Variants in PLA1A observed in about 807,000 individuals in gnomAD.
PLA1A encodes the protein phosphatidylserine-specific phospholipase A1alpha.
In PLA1A, 47 loss-of-function variants were observed where a neutral mutation model predicts 49.4. The ratio of observed to expected loss-of-function variants is 0.95; its 90% CI spans 0.75 to 1.21. The LOEUF (loss-of-function observed/expected upper bound fraction) is 1.21, where lower values mean the gene tolerates loss of function less well. Among genes scored for constraint, PLA1A ranks in the 50% most tolerant of loss-of-function variants. The pLI, the probability that PLA1A is intolerant of heterozygous loss-of-function variation, is 0.00. For synonymous variants in PLA1A, 224 were observed against 207.9 expected, an observed-to-expected ratio of 1.08 and a Z score of -0.67; for missense variants, 561 against 563.9, an observed-to-expected ratio of 0.99 and a Z score of 0.05.
intron 2 of PLA1A, 108 bp downstream of exon 2, chr3:119,607,083 C>A: frequency 1.2e-6 from 1 of 844,432 alleles, no homozygotes; most frequent in Non-Finnish European, 2.0e-6. Flanking sequence ...TACCAATGGC[C>A]ACATGTTCCA....
At chr3:119,622,164 A>AGGAGGAGGAG (rs2082947635) in intron 8 of PLA1A, among the ~76,000 whole-genome samples, 135 of 92,606 alleles carry the variant, frequency 1.5e-3, no homozygotes, top group African/African-American at 6.5e-3. Context: ...AAGAAGAAGA[A>AGGAGGAGGAG]GAAGAAGAAG....
At chr3:119,614,378 T>C (rs1429397801) in intron 5 of PLA1A, among the ~76,000 whole-genome samples, 1 of 151,752 alleles carries the variant, frequency 6.6e-6, no homozygotes, top group East Asian at 1.9e-4. Flanking sequence ...CCAAGGCGGG[T>C]GGATCACAAG....
chr3:119,612,848 C>G (rs1269508351), intron 4 of PLA1A, among the ~76,000 whole-genome samples, 169 bp from the exon 5 acceptor site: 1 of 152,156 alleles, frequency 6.6e-6, no homozygotes, highest in East Asian at 1.9e-4. Flanking sequence ...AGAGAGACAA[C>G]AGAGAGTGGG....
chr3:119,610,235 C>G (rs1210902130), intron 4 of PLA1A, among the ~76,000 whole-genome samples: 3 of 152,102 alleles, frequency 2.0e-5, no homozygotes, highest in African/African-American at 7.2e-5. Flanking sequence ...TTGGTTGGCA[C>G]CTGGGTTGAT....
intron 1 of PLA1A, among the ~76,000 whole-genome samples, chr3:119,599,626 A>G (rs2082588662): frequency 6.6e-6 from 1 of 152,196 alleles, no homozygotes; most frequent in Non-Finnish European, 1.5e-5. Context: ...ACCAGATAGC[A>G]GGGTTAGGGT....
rs1283474349 is a variant in PLA1A at position 119,618,133 on chromosome 3, C to A, written c.869C>A (p.Ala290Asp). The change falls in exon 7 of 11, where the codon GCT (alanine) becomes GAT (aspartate). Residue 290 changes from alanine to aspartate, a missense_variant. By Grantham distance (126) the Ala-to-Asp change is moderately radical (BLOSUM62 -2). Transcript: ENST00000273371. The part of the protein sequence containing the change: ...FPCASYKAFL[A>D]GRCLDCFNPF... ...TGTGCCAGCTACAAGGCCTTCCTTG[C>A]TGGACGCTGTCTGGATTGCTTTAAC... 3.4e-5 allele frequency: 55 copies of A among 1,614,058 alleles called. No homozygotes were observed. The highest frequency in any genetic ancestry group is 4.6e-5 in the Non-Finnish European group (54 of 1,179,988).
intron 1 of PLA1A, among the ~76,000 whole-genome samples, chr3:119,602,859 G>C (rs1251598771): frequency 6.6e-6 from 1 of 152,086 alleles, no homozygotes; most frequent in Admixed American, 6.6e-5. Context: ...TGTGAGAGTA[G>C]ACAAGAGAGC....
chr3:119,616,184 T>G, intron 6 of PLA1A, 83 bp downstream of exon 6: 1 of 834,360 alleles, frequency 1.2e-6, no homozygotes, highest in Non-Finnish European at 2.1e-6. Flanking sequence ...TCAGCCAGAG[T>G]GGGCCATAGA....
chr3:119,608,068 T>C (rs913895174), intron 2 of PLA1A, among the ~76,000 whole-genome samples: 4 of 152,172 alleles, frequency 2.6e-5, no homozygotes, highest in African/African-American at 9.7e-5. Flanking sequence ...TATTTGTCTT[T>C]ATTTTTTGGA....
chr3:119,619,983 C>T (rs1314774056), intron 8 of PLA1A: 1 of 452,970 alleles, frequency 2.2e-6, no homozygotes, highest in Non-Finnish European at 4.4e-6. Flanking sequence ...CTTCTTGGCG[C>T]CCACCCTATG....
At chr3:119,598,953 C>A (rs997165781) in intron 1 of PLA1A, among the ~76,000 whole-genome samples, 6 of 152,164 alleles carry the variant, frequency 3.9e-5, no homozygotes, top group African/African-American at 1.4e-4. Flanking sequence ...CTTTCTCCTA[C>A]CTCAATTAGT....
intron 1 of PLA1A, among the ~76,000 whole-genome samples, chr3:119,604,322 C>G (rs1375910507): frequency 2.6e-5 from 4 of 152,114 alleles, no homozygotes; most frequent in African/African-American, 9.7e-5. Context: ...TATTTCAGCA[C>G]TGTTCACAAT....
At chr3:119,607,863 C>A (rs1459066296) in intron 2 of PLA1A, among the ~76,000 whole-genome samples, 1 of 152,170 alleles carries the variant, frequency 6.6e-6, no homozygotes, top group Non-Finnish European at 1.5e-5. Context: ...CAACCCCATT[C>A]CCTGGCACAC....
chr3:119,621,422 C>T (rs2082928088), intron 8 of PLA1A, among the ~76,000 whole-genome samples: 1 of 152,162 alleles, frequency 6.6e-6, no homozygotes, highest in South Asian at 2.1e-4. Context: ...CCCTGCTCTC[C>T]CTGGACAGAT....
chr3:119,607,148 G>A (rs2082700373), intron 2 of PLA1A, 173 bp downstream of exon 2: 2 of 617,332 alleles, frequency 3.2e-6, no homozygotes, highest in East Asian at 2.8e-5. Context: ...CACACATGGT[G>A]TTCATTCTTA....
At chr3:119,611,132 T>A (rs1156625626) in intron 4 of PLA1A, among the ~76,000 whole-genome samples, 1 of 152,068 alleles carries the variant, frequency 6.6e-6, no homozygotes, top group Non-Finnish European at 1.5e-5. Context: ...GCTGTAGGAG[T>A]GCTTCTTTAT....
At chr3:119,627,783 C>T (rs1179393421) in intron 9 of PLA1A, among the ~76,000 whole-genome samples, 1 of 152,244 alleles carries the variant, frequency 6.6e-6, no homozygotes, top group Non-Finnish European at 1.5e-5. Flanking sequence ...CTTGATCCCC[C>T]ACTCACCACC....
At chr3:119,617,781 G>T (rs2082869890) in intron 6 of PLA1A, among the ~76,000 whole-genome samples, 1 of 151,818 alleles carries the variant, frequency 6.6e-6, no homozygotes, top group Non-Finnish European at 1.5e-5. Flanking sequence ...AAAAAAGAAT[G>T]CATCTCAAAT....
chr3:119,612,805 C>A (rs1313206137), intron 4 of PLA1A, among the ~76,000 whole-genome samples: 2 of 151,970 alleles, frequency 1.3e-5, no homozygotes, highest in African/African-American at 2.4e-5. Context: ...CATCTTAGAG[C>A]CAGAGAAACT....
Sources: gnomAD v4.1 joint callset for allele counts (sites outside exome capture counted in the v4.1 genomes callset) on GRCh38, gnomAD v4.1.1 for gene constraint, MANE v1.5 for transcripts, NCBI Gene and HGNC (gene_info 2026-07-23, HGNC 2026-07-21) for gene names.